Variants in VPS13B observed in about 807,000 individuals in gnomAD.
VPS13B encodes vacuolar protein sorting 13 homolog B, also known as intermembrane lipid transfer protein VPS13B.
Under a neutral mutation model 426.4 loss-of-function variants are expected in VPS13B, and 285 were observed. The observed-to-expected ratio is 0.67, with a 90% CI of 0.61 to 0.74. VPS13B has a LOEUF of 0.74. Among genes scored for constraint, VPS13B ranks in the 30% least tolerant of loss-of-function variants. VPS13B has a pLI of 0.00. For missense variants in VPS13B, 4,537 were observed against 4,782.6 expected, an observed-to-expected ratio of 0.95 and a Z score of 1.51; for synonymous variants, 1,676 against 1,676.4, an observed-to-expected ratio of 1.00 and a Z score of 0.01.
chr8:99,457,382 T>C (rs1818536360), intron 23 of VPS13B, among the ~76,000 whole-genome samples: 1 of 152,202 alleles, frequency 6.6e-6, no homozygotes, highest in Admixed American at 6.5e-5. Context: ...AGTTATCTAA[T>C]TTGTTGGCAT....
chr8:99,184,231 G>A (rs1016770168), intron 16 of VPS13B, among the ~76,000 whole-genome samples: 6 of 152,180 alleles, frequency 3.9e-5, no homozygotes, highest in African/African-American at 1.4e-4. Context: ...CTCTTGGGTA[G>A]ATACCTACAG....
rs867193744 is a variant in VPS13B, at chr8:99,469,293, T to C, written c.3666+1659T>C. On this transcript the variant is annotated intron_variant, in intron 24 of 61. Transcript: ENST00000357162. Reference sequence around the variant, plus strand: ...AAGCAGTCATCCCATTTGAACCTTCTGAGTAGCTGGGACTATAGACACATG... The same window carrying C: ...AAGCAGTCATCCCATTTGAACCTTCCGAGTAGCTGGGACTATAGACACATG... Among the ~76,000 whole-genome samples, 139 of 151,938 alleles carry C rather than the reference T, an allele frequency of 9.1e-4. 2 individuals are homozygous for C. The highest frequency in any genetic ancestry group is 3.3e-3 in the African/African-American group (136 of 41,460).
chr8:99,843,186 T>C (rs1311386914), intron 54 of VPS13B, among the ~76,000 whole-genome samples: 1 of 152,126 alleles, frequency 6.6e-6, no homozygotes, highest in African/African-American at 2.4e-5. Flanking sequence ...AGTGTCTTGC[T>C]GACTGAAGTG....
intron 3 of VPS13B, among the ~76,000 whole-genome samples, chr8:99,088,657 G>T (rs1169979098): frequency 6.6e-6 from 1 of 151,860 alleles, no homozygotes; most frequent in African/African-American, 2.4e-5. Flanking sequence ...TTTGCTCTTG[G>T]CCAAATACTC....
At chr8:99,809,253 A>T in intron 43 of VPS13B, 122 bp from the exon 44 acceptor site, 3 of 1,270,470 alleles carry the variant, frequency 2.4e-6, no homozygotes, top group Non-Finnish European at 3.4e-6. Context: ...AATGCAGGTT[A>T]GAAAGAAAAC....
intron 35 of VPS13B, among the ~76,000 whole-genome samples, chr8:99,680,905 G>A (rs888198933): frequency 2.6e-5 from 4 of 152,032 alleles, no homozygotes; most frequent in South Asian, 2.1e-4. Context: ...TTTCTTTAAT[G>A]TTGTATCTTA....
In VPS13B at chr8:99,144,474, A is replaced by G. The variant is rs115423014; in HGVS notation, c.1843+1309A>G. On this transcript the variant is annotated intron_variant, in intron 13 of 61. Transcript: ENST00000357162. Reference sequence around the variant, plus strand: ...ACTGTGCTCCAGCCTGGCCAACACAACAAGACCCTGTTTCAAAAAAAAAAA... The same window carrying G: ...ACTGTGCTCCAGCCTGGCCAACACAGCAAGACCCTGTTTCAAAAAAAAAAA... 9.8e-3 allele frequency among the ~76,000 whole-genome samples: 1,474 copies of G among 151,024 alleles called. 33 individuals are homozygous for G. Among genetic ancestry groups the G allele is most frequent in the African/African-American group, 0.034 (1,412 of 41,114 alleles).
At chr8:99,239,955 G>T (rs1005991563) in intron 17 of VPS13B, among the ~76,000 whole-genome samples, 2 of 152,134 alleles carry the variant, frequency 1.3e-5, no homozygotes, top group African/African-American at 4.8e-5. Flanking sequence ...TAGGCTTCAT[G>T]TAGAGGGGTA....
At chr8:99,863,055 T>C (rs1816913367) in intron 58 of VPS13B, among the ~76,000 whole-genome samples, 1 of 152,098 alleles carries the variant, frequency 6.6e-6, no homozygotes, top group African/African-American at 2.4e-5. Context: ...CCCCAGACCT[T>C]GGGCTAGGGT....
chr8:99,853,541 T>G lies in VPS13B; in HGVS notation c.10152T>G (p.Ala3384=), dbSNP rs374129601. ...FDDLTHHKAS[A]ELLRLTLDNI... is the part of the protein sequence containing the mutation. The stretch of plus-strand genomic sequence containing the variant: ...ACCTCACCCACCACAAAGCATCAGC[T>G]GAGCTTCTGAGACTCACACTGGACA... Residue 3384 remains alanine (A), a synonymous_variant, in exon 56 of 62, where the codon GCT becomes GCG. Transcript: ENST00000357162. 6.4e-5 allele frequency: 104 copies of G among 1,614,028 alleles called. 1 individual carries two copies. Among genetic ancestry groups the G allele is most frequent in the Non-Finnish European group, 8.7e-5 (103 of 1,179,994 alleles).
chr8:99,530,830 T>C (rs1822896307), intron 30 of VPS13B, among the ~76,000 whole-genome samples: 1 of 152,122 alleles, frequency 6.6e-6, no homozygotes, highest in Non-Finnish European at 1.5e-5. Context: ...CAGTAGCTTC[T>C]CCTAGGCCAC....
chr8:99,729,294 T>G (rs1833490306), intron 39 of VPS13B, among the ~76,000 whole-genome samples: 1 of 152,342 alleles, frequency 6.6e-6, no homozygotes, highest in South Asian at 2.1e-4. Context: ...CTGACAAAAA[T>G]TGACTCAATT....
At chr8:99,162,143 G>C (rs1001423382) in intron 15 of VPS13B, among the ~76,000 whole-genome samples, 1 of 152,102 alleles carries the variant, frequency 6.6e-6, no homozygotes, top group African/African-American at 2.4e-5. Context: ...TTCAGGATGT[G>C]GTAGAGAGTT....
chr8:99,327,853 C>T (rs1361628373), intron 19 of VPS13B, among the ~76,000 whole-genome samples: 2 of 152,108 alleles, frequency 1.3e-5, no homozygotes, highest in African/African-American at 4.8e-5. Context: ...GAGTCTTATT[C>T]ATCCTGTTTT....
chr8:99,173,070 A>T (rs1350833296), intron 16 of VPS13B, among the ~76,000 whole-genome samples: 2 of 152,182 alleles, frequency 1.3e-5, no homozygotes, highest in East Asian at 3.8e-4. Flanking sequence ...GTGAAAACAC[A>T]TATTTCTTTT....
chr8:99,834,125 G>A (rs1056181700), intron 52 of VPS13B, among the ~76,000 whole-genome samples: 2 of 152,242 alleles, frequency 1.3e-5, no homozygotes, highest in Non-Finnish European at 2.9e-5. Flanking sequence ...AAATGAGATG[G>A]ATGGCAAATG....
At chr8:99,375,391 G>A (rs964613281) in intron 19 of VPS13B, among the ~76,000 whole-genome samples, 1 of 152,094 alleles carries the variant, frequency 6.6e-6, no homozygotes, top group African/African-American at 2.4e-5. Flanking sequence ...TAGATTACAT[G>A]GCTCGTTGTT....
In VPS13B at chr8:99,481,773, C is replaced by T. The variant is rs1820050928; in HGVS notation, c.3841C>T (p.Pro1281Ser). 1 of 1,613,738 alleles carries T rather than the reference C, an allele frequency of 6.2e-7. No individual in the cohort carries two copies. Among genetic ancestry groups the T allele is most frequent in the Non-Finnish European group, 8.5e-7 (1 of 1,179,822 alleles). ...TCCTCCAGATACCAGCACATGCAGCCCATCTGCTGACATTGGGACTACTAC... is the reference window on the plus strand; with the variant it reads ...TCCTCCAGATACCAGCACATGCAGCTCATCTGCTGACATTGGGACTACTAC... ...TAPPDTSTCSPSADIGTTTEG... is the reference protein window; with the variant it reads ...TAPPDTSTCSSSADIGTTTEG... The change falls in exon 25 of 62, where the codon CCA becomes TCA. Residue 1281 changes from proline (P) to serine (S), a missense_variant. Around this residue, in one of 2 missense-constraint regions of VPS13B, gnomAD observed 4,311 missense variants for 4,474.3 expected, o/e 0.96. Transcript: ENST00000357162.
At chr8:99,811,776 A>T (rs1360804275) in intron 44 of VPS13B, among the ~76,000 whole-genome samples, 1 of 152,184 alleles carries the variant, frequency 6.6e-6, no homozygotes, top group African/African-American at 2.4e-5. Context: ...TCTGTGAATC[A>T]ATTTCCTCAT....
Sources: allele counts gnomAD v4.1 joint callset (sites outside exome capture counted in the v4.1 genomes callset), GRCh38; gene constraint gnomAD v4.1.1; regional missense constraint gnomAD v4.1.1; transcripts MANE v1.5; gene names NCBI Gene and HGNC (gene_info 2026-07-23, HGNC 2026-07-21).